TDRP: variants seen among roughly 807,000 people sequenced by gnomAD.
TDRP encodes testis development related protein, also known as testis development-related protein.
Under a neutral mutation model 10.5 loss-of-function variants are expected in TDRP, and 12 were observed. The ratio of observed to expected loss-of-function variants is 1.15; its 90% confidence interval spans 0.73 to 1.86. The LOEUF is 1.86. TDRP is among the 40% of genes most tolerant of loss of function. TDRP has a pLI of 0.00. For synonymous variants in TDRP, 139 were observed against 95.4 expected (o/e 1.46, Z -2.67); for missense variants, 353 against 229.2 (o/e 1.54, Z -3.49).
intron 1 of TDRP, among the ~76,000 whole-genome samples, chr8:515,324 T>A (rs1801728923): frequency 6.6e-6 from 1 of 152,218 alleles, no homozygotes; most frequent in South Asian, 2.1e-4. Flanking sequence ...AAACTATGAG[T>A]ATATACATTA....
At chr8:504,338 G>C (rs904623656) in intron 1 of TDRP, among the ~76,000 whole-genome samples, 7 of 152,190 alleles carry the variant, frequency 4.6e-5, no homozygotes, top group Admixed American at 3.3e-4. Flanking sequence ...CATGTTTTGG[G>C]TAGTGTTTTC....
intron 1 of TDRP, among the ~76,000 whole-genome samples, chr8:507,271 A>C (rs1801492639): frequency 6.6e-6 from 1 of 152,154 alleles, no homozygotes; most frequent in African/African-American, 2.4e-5. Flanking sequence ...GCATGGGGAC[A>C]CAGAGCCAAG....
chr8:491,133 A>AC lies in TDRP; in HGVS notation c.*1265_*1266insG, dbSNP rs1800960408. 6.5e-6 allele frequency: 1 copy of AC among 152,842 alleles called. No individual in the cohort carries two copies. Among genetic ancestry groups the AC allele is most frequent in the Non-Finnish European group, 1.5e-5 (1 of 68,490 alleles). 9.5% of individuals were successfully genotyped at this position (152,842 alleles called of 1,614,324 possible). Reference sequence around the variant, plus strand: ...GTGTGTTCTGCCATCAGGCACACTCAGTTATTCCACAGGAACAAACGGAAG... The same window carrying AC: ...GTGTGTTCTGCCATCAGGCACACTCACGTTATTCCACAGGAACAAACGGAAG... On this transcript the variant is annotated 3_prime_UTR_variant, in exon 3 of 3. Coordinates refer to ENST00000324079, the MANE Select transcript of TDRP (RefSeq NM_001384899.1).
upstream of TDRP, chr8:544,839 G>T: frequency 9.5e-7 from 1 of 1,050,772 alleles, no homozygotes; most frequent in Non-Finnish European, 1.2e-6. Context: ...CGCTCTGCCT[G>T]CGGCTCCTGC....
At chr8:501,441 G>A (rs1045606621) in intron 1 of TDRP, among the ~76,000 whole-genome samples, 1 of 151,748 alleles carries the variant, frequency 6.6e-6, no homozygotes, top group African/African-American at 2.4e-5. Context: ...CCACCTCCCA[G>A]GTTCAAGCAA....
chr8:529,967 T>C (rs764728303), intron 1 of TDRP, among the ~76,000 whole-genome samples: 11 of 152,172 alleles, frequency 7.2e-5, no homozygotes, highest in Non-Finnish European at 1.2e-4. Flanking sequence ...TCAAATAAGC[T>C]CTCTACTCCC....
At chr8:508,491 G>A (rs112951288) in intron 1 of TDRP, among the ~76,000 whole-genome samples, 223 of 152,326 alleles carry the variant, frequency 1.5e-3, no homozygotes, top group African/African-American at 5.1e-3. Context: ...ATTCAAGACA[G>A]AGAGCAAATG....
intron 1 of TDRP, among the ~76,000 whole-genome samples, chr8:527,413 T>C (rs1802062545): frequency 6.6e-6 from 1 of 150,574 alleles, no homozygotes; most frequent in Non-Finnish European, 1.5e-5. Context: ...AAAAAAAAAA[T>C]CCTAAAATGT....
In TDRP at chr8:490,315, T is replaced by C. The variant is rs182335865; in HGVS notation, c.*2084A>G. 1.4e-4 allele frequency: 21 copies of C among 152,276 alleles called. No individual in the cohort carries two copies. In the East Asian group the frequency reaches 1.5e-3, roughly 11 times the overall value. 9.4% of individuals were successfully genotyped at this position (152,276 alleles called of 1,614,324 possible). A position where few individuals can be genotyped will look rare whatever the true frequency, so the allele number is the denominator to read the frequency against. ...TAAGAAAAATTTGATTTACAGTGCATATTCCAATCCCAATCTGGGTTTGTC... is the reference window on the plus strand; with the variant it reads ...TAAGAAAAATTTGATTTACAGTGCACATTCCAATCCCAATCTGGGTTTGTC... On this transcript the variant is annotated 3_prime_UTR_variant, in exon 3 of 3. Transcript: ENST00000324079.
intron 1 of TDRP, among the ~76,000 whole-genome samples, chr8:537,180 G>GCTCCC (rs1284539934): frequency 1.3e-5 from 2 of 152,212 alleles, no homozygotes; most frequent in Non-Finnish European, 2.9e-5. Context: ...CGTGGGCCTG[G>GCTCCC]CTCCCTTCCT....
At chr8:533,261 A>C (rs1481097692) in intron 1 of TDRP, among the ~76,000 whole-genome samples, 1 of 152,104 alleles carries the variant, frequency 6.6e-6, no homozygotes, top group African/African-American at 2.4e-5. Flanking sequence ...TGGGCTCCTC[A>C]ACTCTGGACA....
At chr8:537,304 G>C (rs566719995) in intron 1 of TDRP, among the ~76,000 whole-genome samples, 24 of 152,190 alleles carry the variant, frequency 1.6e-4, no homozygotes, top group African/African-American at 5.1e-4. Flanking sequence ...AGTGAGAAGT[G>C]CCTGAATGCA....
chr8:543,565 A>C (rs1036931642), intron 1 of TDRP, among the ~76,000 whole-genome samples: 6 of 152,072 alleles, frequency 3.9e-5, no homozygotes, highest in Non-Finnish European at 8.8e-5. Context: ...AAAAAAAAAA[A>C]AGGCACGTAA....
chr8:517,737 T>C (rs1265257690), intron 1 of TDRP, among the ~76,000 whole-genome samples: 1 of 152,218 alleles, frequency 6.6e-6, no homozygotes, highest in East Asian at 1.9e-4. Flanking sequence ...GTTCTCAAGA[T>C]CACCTGAGGC....
chr8:505,235 G>A (rs895123030), intron 1 of TDRP, among the ~76,000 whole-genome samples: 3 of 152,156 alleles, frequency 2.0e-5, no homozygotes, highest in Non-Finnish European at 4.4e-5. Flanking sequence ...TGTTCAGCAG[G>A]TTTGTTAAGA....
intron 1 of TDRP, among the ~76,000 whole-genome samples, chr8:518,702 T>A (rs1801818746): frequency 6.6e-6 from 1 of 152,072 alleles, no homozygotes; most frequent in African/African-American, 2.4e-5. Context: ...GGGAAAGAAA[T>A]TCCTTTCTAA....
chr8:507,597 C>T (rs1247605129), intron 1 of TDRP, among the ~76,000 whole-genome samples: 1 of 152,176 alleles, frequency 6.6e-6, no homozygotes, highest in Non-Finnish European at 1.5e-5. Flanking sequence ...AGAGGGGCCA[C>T]ACCCAACAGT....
intron 1 of TDRP, among the ~76,000 whole-genome samples, chr8:509,757 G>C (rs755884552): frequency 6.6e-6 from 1 of 152,198 alleles, no homozygotes; most frequent in Non-Finnish European, 1.5e-5. Flanking sequence ...AATTTCTGCA[G>C]CTGGCTTGAA....
Position 491,729 on chromosome 8 carries a change from C to G in TDRP, c.*670G>C. ...AAATAAAGGGACCGATTTAGAAGTT[C>G]AAAAGAGGTAAAAATAAAATTCCAA... is the stretch of plus-strand genomic sequence containing the variant. On this transcript the variant is annotated 3_prime_UTR_variant, in exon 3 of 3. Transcript: ENST00000324079. 1 of 1,456,032 alleles carries G rather than the reference C, an allele frequency of 6.9e-7. No individual in the cohort carries two copies. Among genetic ancestry groups the G allele is most frequent in the African/African-American group, 1.4e-5 (1 of 69,548 alleles). 90.2% of individuals were successfully genotyped at this position (1,456,032 alleles called of 1,614,324 possible). A position where few individuals can be genotyped will look rare whatever the true frequency, so the allele number is the denominator to read the frequency against.
Sources: gnomAD v4.1 joint callset for allele counts (sites outside exome capture counted in the v4.1 genomes callset) on GRCh38, gnomAD v4.1.1 for gene constraint, MANE v1.5 for transcripts, NCBI Gene and HGNC (gene_info 2026-07-23, HGNC 2026-07-21) for gene names.